The following SLC20A2 variants were observed in gnomAD, a reference collection of about 807,000 sequenced individuals.
SLC20A2 encodes the protein solute carrier family 20 member 2.
A neutral mutation model predicts 61.0 loss-of-function variants in SLC20A2; 30 were observed. The observed-to-expected ratio is 0.49, with a 90% CI of 0.37 to 0.67. The LOEUF is 0.67. Among genes scored for constraint, SLC20A2 ranks in the 30% least tolerant of loss-of-function variants. SLC20A2 has a pLI of 0.00. For missense variants in SLC20A2, 626 were observed against 866.4 expected, an observed-to-expected ratio of 0.72 and a Z score of 3.48; for synonymous variants, 351 against 353.3, an observed-to-expected ratio of 0.99 and a Z score of 0.07.
In SLC20A2 at chr8:42,416,648, A is replaced by G. The variant is rs1802689346; in HGVS notation, c.*1155T>C. ...GCTATCAAAAAAAGAAGAGACTCCA[A>G]TGGGATGGAGTAGAGCCTGGGGGTG... On this transcript the variant is annotated 3_prime_UTR_variant, in exon 11 of 11. Coordinates refer to ENST00000520262, the MANE Select transcript of SLC20A2 (RefSeq NM_001257180.2). 6.6e-6 allele frequency: 1 copy of G among 152,644 alleles called. No homozygotes were observed. The highest frequency in any genetic ancestry group is 2.4e-5 in the African/African-American group (1 of 41,444). 9.5% of individuals were successfully genotyped at this position (152,644 alleles called of 1,614,324 possible).
In SLC20A2 at chr8:42,417,175, A is replaced by C. The variant is rs1802721019; in HGVS notation, c.*628T>G. ...CACACCATTAAAAAATTACAGTTTTACGTATTTACAAAAGCAATGATGATA... is the reference window on the plus strand; with the variant it reads ...CACACCATTAAAAAATTACAGTTTTCCGTATTTACAAAAGCAATGATGATA... On this transcript the variant is annotated 3_prime_UTR_variant, in exon 11 of 11. Transcript: ENST00000520262. 1 of 152,716 alleles carries C rather than the reference A, an allele frequency of 6.5e-6. No homozygotes were observed. Among genetic ancestry groups the C allele is most frequent in the Non-Finnish European group, 1.5e-5 (1 of 68,102 alleles). The allele number at this position is 152,716 out of a possible 1,614,324, so 9.5% of individuals were successfully genotyped here.
At chr8:42,467,929 T>G (rs879443514) in intron 2 of SLC20A2, among the ~76,000 whole-genome samples, 4 of 152,028 alleles carry the variant, frequency 2.6e-5, no homozygotes, top group African/African-American at 4.8e-5. Flanking sequence ...TTCTTTTTTT[T>G]TTTTTTAGAC....
chr8:42,536,411 T>G (rs1444280310), intron 1 of SLC20A2: 1 of 152,358 alleles, frequency 6.6e-6, no homozygotes, highest in Non-Finnish European at 1.5e-5. Flanking sequence ...CCAGGCTTCA[T>G]TCAAGGGCAC....
intron 1 of SLC20A2, chr8:42,535,022 C>A (rs1586294363): frequency 2.0e-5 from 3 of 152,298 alleles, no homozygotes; most frequent in Admixed American, 2.0e-4. Context: ...TGCTGGAGTC[C>A]TGTCACTCAT....
chr8:42,439,037 T>C (rs1019581871), intron 7 of SLC20A2, among the ~76,000 whole-genome samples: 1 of 152,050 alleles, frequency 6.6e-6, no homozygotes, highest in African/African-American at 2.4e-5. Flanking sequence ...TTTTCTAAGG[T>C]TTCTGTGATT....
intron 1 of SLC20A2, among the ~76,000 whole-genome samples, chr8:42,497,104 C>T (rs185633122): frequency 2.0e-5 from 3 of 152,280 alleles, no homozygotes; most frequent in Admixed American, 2.0e-4. Context: ...CAAAATTTTC[C>T]TGGTTAATTA....
At chr8:42,521,493 AT>A (rs1811620990) in intron 1 of SLC20A2, among the ~76,000 whole-genome samples, 1 of 119,168 alleles carries the variant, frequency 8.4e-6, no homozygotes, top group African/African-American at 2.6e-5. Flanking sequence ...TCGATCCTGT[AT>A]TTTTTTTCTT....
chr8:42,430,815 A>T lies in SLC20A2; in HGVS notation c.1524-566T>A, dbSNP rs899019488. On this transcript the variant is annotated intron_variant, in intron 8 of 10. Coordinates refer to ENST00000520262, the MANE Select transcript of SLC20A2 (RefSeq NM_001257180.2). The stretch of plus-strand genomic sequence containing the variant: ...TATTCCCGAATTTTTCATTATTATC[A>T]TATCTGTTATGGTGATCTGTGATCA... Among the ~76,000 whole-genome samples, 10 of 152,010 alleles carry T rather than the reference A, an allele frequency of 6.6e-5. No homozygotes were observed. In the East Asian group the frequency reaches 7.7e-4, roughly 12 times the overall value.
chr8:42,460,242 C>A lies in SLC20A2; in HGVS notation c.517-250G>T, dbSNP rs73631794. On this transcript the variant is annotated intron_variant, in intron 4 of 10. Coordinates refer to ENST00000520262, the MANE Select transcript of SLC20A2 (RefSeq NM_001257180.2). Reference sequence around the variant, plus strand: ...TTGTGGCCAGCAGACACATTAAAGCCCTGGAATCACATGAGCTGATGTCAG... The same window carrying A: ...TTGTGGCCAGCAGACACATTAAAGCACTGGAATCACATGAGCTGATGTCAG... The A allele has an allele frequency of 0.018, 6,210 of 352,760 alleles. 354 individuals are homozygous for A. Among genetic ancestry groups the A allele is most frequent in the African/African-American group, 0.12 (5,675 of 48,660 alleles). The allele number at this position is 352,760 out of a possible 1,614,324, so 21.9% of individuals were successfully genotyped here.
intron 5 of SLC20A2, among the ~76,000 whole-genome samples, chr8:42,451,404 T>TGAA (rs1450413524): frequency 3.2e-5 from 3 of 94,162 alleles, no homozygotes; most frequent in Middle Eastern, 0.012. Flanking sequence ...GAGGAAGAGA[T>TGAA]AGAGGAGAAG....
chr8:42,425,287 T>C (rs1803322205), intron 10 of SLC20A2, among the ~76,000 whole-genome samples: 1 of 152,222 alleles, frequency 6.6e-6, no homozygotes. Flanking sequence ...TGACTCTATG[T>C]GGACATCAAT....
chr8:42,429,675 T>A (rs978913921), intron 9 of SLC20A2, among the ~76,000 whole-genome samples: 2 of 152,152 alleles, frequency 1.3e-5, no homozygotes, highest in Non-Finnish European at 2.9e-5. Context: ...GGGTGGTTGC[T>A]GAGAGCTGGG....
At chr8:42,502,582 G>A (rs7846636), upstream of SLC20A2, 3,300 of 152,404 alleles carry the variant, frequency 0.022, 50 homozygotes, top group Admixed American at 0.035. Context: ...CCCTCCTGTT[G>A]TTTACAAACA....
chr8:42,445,079 G>A (rs1805102551), intron 5 of SLC20A2, among the ~76,000 whole-genome samples: 1 of 152,060 alleles, frequency 6.6e-6, no homozygotes, highest in South Asian at 2.1e-4. Context: ...ATCACCTGAG[G>A]TCAGGAGTTC....
At chr8:42,503,558 A>T (rs1161106778), upstream of SLC20A2, among the ~76,000 whole-genome samples, 2 of 152,242 alleles carry the variant, frequency 1.3e-5, no homozygotes, top group Non-Finnish European at 2.9e-5. Context: ...TTAATAATAT[A>T]TTTTAACTCA....
intron 1 of SLC20A2, among the ~76,000 whole-genome samples, chr8:42,508,554 C>T (rs952322474): frequency 6.6e-6 from 1 of 152,054 alleles, no homozygotes; most frequent in Non-Finnish European, 1.5e-5. Flanking sequence ...CCACGCCTGG[C>T]TAATTTTTGT....
At chr8:42,458,698 G>A (rs1806405516) in intron 5 of SLC20A2, among the ~76,000 whole-genome samples, 1 of 151,218 alleles carries the variant, frequency 6.6e-6, no homozygotes, top group Non-Finnish European at 1.5e-5. Flanking sequence ...CATGAGGTCA[G>A]GAGACTGAGA....
At chr8:42,451,870 G>GGAGGAAGAGGAAGAGATGAA in intron 5 of SLC20A2, among the ~76,000 whole-genome samples, 1 of 141,212 alleles carries the variant, frequency 7.1e-6, no homozygotes, top group Non-Finnish European at 1.5e-5. Flanking sequence ...AAAAGATGGA[G>GGAGGAAGAGGAAGAGATGAA]GAGGAAGAGG....
upstream of SLC20A2, among the ~76,000 whole-genome samples, chr8:42,503,075 C>G (rs12542076): frequency 0.33 from 49,545 of 152,130 alleles, 8,894 homozygotes; most frequent in East Asian, 0.41. Context: ...GAGCAATGCT[C>G]CGGTTCCTCA....
Sources: allele counts gnomAD v4.1 joint callset (sites outside exome capture counted in the v4.1 genomes callset), GRCh38; gene constraint gnomAD v4.1.1; transcripts MANE v1.5; gene names NCBI Gene and HGNC (gene_info 2026-07-23, HGNC 2026-07-21).